Variants in TRPM3 observed in about 807,000 individuals in gnomAD.
TRPM3 encodes the protein transient receptor potential cation channel subfamily M member 3, also known as long transient receptor potential channel 3.
TRPM3 carries 77 observed loss-of-function variants against 181.2 expected under a neutral mutation model. The ratio of observed to expected loss-of-function variants is 0.42; its 90% CI spans 0.35 to 0.51. TRPM3 has a LOEUF of 0.51. TRPM3 is among the 20% of genes least tolerant of loss of function. The probability of loss-of-function intolerance (pLI) is 0.01; values close to 1 mark genes in which losing one functional copy is unlikely to be tolerated. For missense variants in TRPM3, 1,759 were observed against 2,196.7 expected (o/e 0.80, Z 3.98); for synonymous variants, 745 against 796.4 (o/e 0.94, Z 1.09).
At chr9:71,122,688 C>A (rs1004199087), upstream of TRPM3, among the ~76,000 whole-genome samples, 1 of 152,150 alleles carries the variant, frequency 6.6e-6, no homozygotes, top group Non-Finnish European at 1.5e-5. Context: ...ACAGGCCCAC[C>A]CCAGCATGAA....
At chr9:70,818,003 T>C (rs2092849805) in intron 6 of TRPM3, among the ~76,000 whole-genome samples, 2 of 152,146 alleles carry the variant, frequency 1.3e-5, no homozygotes, top group South Asian at 4.1e-4. Context: ...TCAAGTCACT[T>C]AAACTTTTTT....
intron 7 of TRPM3, among the ~76,000 whole-genome samples, chr9:70,769,014 C>T (rs969987338): frequency 6.6e-6 from 1 of 152,166 alleles, no homozygotes; most frequent in Non-Finnish European, 1.5e-5. Flanking sequence ...ATATCTTATT[C>T]AGATGATACC....
chr9:70,796,969 A>C (rs1938995975), intron 6 of TRPM3, among the ~76,000 whole-genome samples: 2 of 152,044 alleles, frequency 1.3e-5, no homozygotes, highest in Non-Finnish European at 2.9e-5. Context: ...TCTCTACAAA[A>C]AAATTTAAAA....
At chr9:70,839,863 C>T (rs1416130760) in intron 5 of TRPM3, among the ~76,000 whole-genome samples, 1 of 151,976 alleles carries the variant, frequency 6.6e-6, no homozygotes, top group African/African-American at 2.4e-5. Context: ...ATGTCTAATG[C>T]TAAAAGGTTT....
chr9:71,347,365 G>C (rs1156612568), intron 1 of TRPM3, among the ~76,000 whole-genome samples: 1 of 152,082 alleles, frequency 6.6e-6, no homozygotes, highest in African/African-American at 2.4e-5. Context: ...AGGTTTTCTT[G>C]TTTTGTTTTC....
intron 5 of TRPM3, among the ~76,000 whole-genome samples, chr9:70,833,898 G>A (rs2094124220): frequency 6.6e-6 from 1 of 152,112 alleles, no homozygotes; most frequent in Non-Finnish European, 1.5e-5. Context: ...TCACGCATCT[G>A]TTTCTGGGAG....
chr9:71,425,521 G>A (rs1011193413), intron 1 of TRPM3, among the ~76,000 whole-genome samples: 4 of 152,000 alleles, frequency 2.6e-5, no homozygotes, highest in Admixed American at 1.3e-4. Context: ...CACCCACCAC[G>A]AAAATACATT....
intron 1 of TRPM3, among the ~76,000 whole-genome samples, chr9:71,118,583 T>A (rs757188864): frequency 1.3e-5 from 2 of 151,950 alleles, no homozygotes; most frequent in African/African-American, 4.8e-5. Context: ...TTTAGCTAAA[T>A]CTAATCAAGC....
chr9:70,846,391 T>A lies in TRPM3; in HGVS notation c.663A>T (p.Gly221=). Residue 221 remains glycine (G), a synonymous_variant, in exon 4 of 26, where the codon GGA becomes GGT. Coordinates refer to ENST00000677713, the MANE Select transcript of TRPM3 (RefSeq NM_001366145.2). Reference sequence around the variant, plus strand: ...ACTTGCAATTACCTGTGTTAACCCCTCCAGTGAATATCCACGCTCCAGTTG... The same window carrying A: ...ACTTGCAATTACCTGTGTTAACCCCACCAGTGAATATCCACGCTCCAGTTG... The part of the protein sequence containing the change: ...AMTTGAWIFT[G]GVNTGVIRHV... The A allele has an allele frequency of 6.2e-7, 1 of 1,614,024 alleles. No individual in the cohort carries two copies. The highest frequency in any genetic ancestry group is 1.1e-5 in the South Asian group (1 of 91,074).
intron 7 of TRPM3, among the ~76,000 whole-genome samples, chr9:70,779,876 T>C (rs1474822301): frequency 6.6e-6 from 1 of 152,150 alleles, no homozygotes; most frequent in Non-Finnish European, 1.5e-5. Context: ...AAATCCATTA[T>C]GCCAATGAGA....
intron 1 of TRPM3, among the ~76,000 whole-genome samples, chr9:71,421,850 C>A (rs2093780261): frequency 6.6e-6 from 1 of 151,962 alleles, no homozygotes; most frequent in African/African-American, 2.4e-5. Context: ...CCATTAAAAT[C>A]TTATGGGACC....
intron 1 of TRPM3, among the ~76,000 whole-genome samples, chr9:70,945,544 A>T (rs2096924657): frequency 6.6e-6 from 1 of 152,172 alleles, no homozygotes; most frequent in African/African-American, 2.4e-5. Flanking sequence ...TGAAATCTTA[A>T]GAAATGTTAG....
chr9:70,927,936 A>C (rs918102862), intron 1 of TRPM3, among the ~76,000 whole-genome samples: 2 of 152,180 alleles, frequency 1.3e-5, no homozygotes, highest in Non-Finnish European at 2.9e-5. Flanking sequence ...ATTTTTTATT[A>C]AAAGCTTTCC....
rs77598150 is a variant in TRPM3, at chr9:70,641,121, G to C, written c.1346-461C>G. Reference sequence around the variant, plus strand: ...ATTGCCAAATGCCCCCATGTGTGAAGGGAGGCAAAACTGGCCTGGTGAGCA... The same window carrying C: ...ATTGCCAAATGCCCCCATGTGTGAACGGAGGCAAAACTGGCCTGGTGAGCA... On this transcript the variant is annotated intron_variant, in intron 9 of 25. Transcript: ENST00000677713. Among the ~76,000 whole-genome samples the C allele has an allele frequency of 9.1e-3, 1,380 of 152,264 alleles. 23 individuals carry two copies. Among genetic ancestry groups the C allele is most frequent in the African/African-American group, 0.032 (1,311 of 41,552 alleles).
intron 1 of TRPM3, chr9:70,868,915 G>C: frequency 1.1e-6 from 1 of 872,122 alleles, no homozygotes; most frequent in African/African-American, 1.8e-5. Context: ...TTGATCTTTG[G>C]TCTTCCTCTA....
intron 9 of TRPM3, among the ~76,000 whole-genome samples, chr9:70,661,590 G>A (rs1489671884): frequency 6.6e-6 from 1 of 151,984 alleles, no homozygotes; most frequent in Non-Finnish European, 1.5e-5. Flanking sequence ...ATTCAGTAAA[G>A]TCTCAGGATA....
chr9:71,015,901 TA>T (rs1037898994), intron 1 of TRPM3, among the ~76,000 whole-genome samples: 42 of 151,182 alleles, frequency 2.8e-4, no homozygotes, highest in African/African-American at 9.5e-4. Context: ...ACAAGAGAGG[TA>T]AAAAAAATTC....
chr9:70,812,949 G>T (rs1214959114), intron 6 of TRPM3, among the ~76,000 whole-genome samples: 1 of 152,138 alleles, frequency 6.6e-6, no homozygotes, highest in African/African-American at 2.4e-5. Flanking sequence ...AGAAAAAAAT[G>T]GTCTTAAGGG....
chr9:70,551,290 T>C (rs1056691801), intron 24 of TRPM3, among the ~76,000 whole-genome samples: 1 of 152,196 alleles, frequency 6.6e-6, no homozygotes, highest in African/African-American at 2.4e-5. Context: ...ATTCATACAA[T>C]GCAGGGCCCT....
Sources: allele counts gnomAD v4.1 joint callset (sites outside exome capture counted in the v4.1 genomes callset), GRCh38; gene constraint gnomAD v4.1.1; transcripts MANE v1.5; gene names NCBI Gene and HGNC (gene_info 2026-07-23, HGNC 2026-07-21).